HMGN3: variants seen among roughly 807,000 people sequenced by gnomAD.
HMGN3 encodes high mobility group nucleosome-binding domain-containing protein 3.
Under a neutral mutation model 18.8 loss-of-function variants are expected in HMGN3, and 6 were observed. That is an observed-to-expected ratio of 0.32 (90% CI 0.18 to 0.63). The LOEUF (loss-of-function observed/expected upper bound fraction) is 0.63. HMGN3 is among the 30% of genes least tolerant of loss of function. HMGN3 has a pLI of 0.79. For synonymous variants in HMGN3, 40 were observed against 36.5 expected (o/e 1.10, Z -0.35); for missense variants, 107 against 114.2 (o/e 0.94, Z 0.29).
chr6:79,227,375 A>C (rs1381976191), intron 1 of HMGN3, among the ~76,000 whole-genome samples: 7 of 152,214 alleles, frequency 4.6e-5, no homozygotes, highest in Non-Finnish European at 8.8e-5. Flanking sequence ...CTATAATTGC[A>C]GTGAATTTGA....
At position 79,231,816 on chromosome 6, in the gene HMGN3, A is replaced by C. The variant is rs147544511; in HGVS notation, c.15+2730T>G. Among the ~76,000 whole-genome samples the C allele has an allele frequency of 3.9e-5, 6 of 152,322 alleles. No individual in the cohort carries two copies. In the East Asian group the frequency reaches 1.2e-3, roughly 29 times the overall value. Reference sequence around the variant, plus strand: ...TACTGCTTGTGGGATCTATAACTACACATTCTGGAACACATACACAGTTTT... The same window carrying C: ...TACTGCTTGTGGGATCTATAACTACCCATTCTGGAACACATACACAGTTTT... On this transcript the variant is annotated intron_variant, in intron 1 of 5. Coordinates refer to ENST00000344726, the Ensembl canonical transcript of HMGN3.
At chr6:79,208,418 C>T (rs1776522222) in intron 3 of HMGN3, 129 bp downstream of exon 3, 1 of 802,832 alleles carries the variant, frequency 1.2e-6, no homozygotes, top group Admixed American at 2.0e-5. Context: ...ACATGAGGAC[C>T]CTAGGTAATT....
At chr6:79,224,640 A>G (rs1475501528) in intron 1 of HMGN3, among the ~76,000 whole-genome samples, 1 of 152,108 alleles carries the variant, frequency 6.6e-6, no homozygotes, top group Non-Finnish European at 1.5e-5. Flanking sequence ...TGGTTGTTGC[A>G]TTTGATGCTT....
chr6:79,215,350 A>G (rs187826671), intron 1 of HMGN3, among the ~76,000 whole-genome samples: 13 of 152,366 alleles, frequency 8.5e-5, no homozygotes, highest in Admixed American at 7.8e-4. Context: ...GGTCAGTGGC[A>G]GGAATGCCTG....
At chr6:79,213,063 C>T (rs1316384403) in intron 2 of HMGN3, among the ~76,000 whole-genome samples, 3 of 150,794 alleles carry the variant, frequency 2.0e-5, no homozygotes, top group Admixed American at 6.6e-5. Context: ...ATAAAAATAA[C>T]AATTAAAAAT....
intron 1 of HMGN3, chr6:79,234,226 G>A (rs530797897): frequency 1.0e-5 from 3 of 287,006 alleles, no homozygotes; most frequent in Admixed American, 4.8e-5. Flanking sequence ...TTGCAAAGAG[G>A]AAACTCCCTT....
At chr6:79,207,222 C>T (rs561389746) in intron 3 of HMGN3, among the ~76,000 whole-genome samples, 18 of 152,072 alleles carry the variant, frequency 1.2e-4, no homozygotes, top group South Asian at 8.3e-4. Flanking sequence ...GAGATTTGGG[C>T]GGGGCTGGGG....
chr6:79,229,670 G>T (rs1219433719), intron 1 of HMGN3, among the ~76,000 whole-genome samples: 1 of 152,188 alleles, frequency 6.6e-6, no homozygotes, highest in East Asian at 1.9e-4. Flanking sequence ...GAGGTCAGGA[G>T]ATCAAGACCA....
chr6:79,214,490 T>C (rs558500196), intron 2 of HMGN3, among the ~76,000 whole-genome samples: 233 of 152,270 alleles, frequency 1.5e-3, no homozygotes, highest in Middle Eastern at 3.4e-3. Context: ...CGTGAGCCAC[T>C]GCGCCCGGCC....
intron 1 of HMGN3, among the ~76,000 whole-genome samples, chr6:79,231,467 C>T (rs941152533): frequency 6.6e-6 from 1 of 152,180 alleles, no homozygotes; most frequent in East Asian, 1.9e-4. Flanking sequence ...AGATAATATG[C>T]ACTGAAGAAC....
chr6:79,221,591 C>T (rs995783195), intron 1 of HMGN3, among the ~76,000 whole-genome samples: 2 of 152,188 alleles, frequency 1.3e-5, no homozygotes, highest in Non-Finnish European at 2.9e-5. Flanking sequence ...TAAACAGGCA[C>T]TGTGGGGTGA....
chr6:79,225,233 A>C (rs1379343470), intron 1 of HMGN3, among the ~76,000 whole-genome samples: 1 of 152,238 alleles, frequency 6.6e-6, no homozygotes, highest in Non-Finnish European at 1.5e-5. Context: ...AGAGACAAAG[A>C]GTGAGCAAAA....
At position 79,207,318 on chromosome 6, in the gene HMGN3, C is replaced by T. The variant is rs549131258; in HGVS notation, c.96+1229G>A. Among the ~76,000 whole-genome samples the T allele has an allele frequency of 2.0e-5, 3 of 152,204 alleles. No homozygotes were observed. The East Asian group carries it at 5.8e-4, about 29-fold the overall frequency. ...CAGTTCCCATGTGTCATGGGAGGAACCTGGTGGGATGTGATTGAATTATGG... is the reference window on the plus strand; with the variant it reads ...CAGTTCCCATGTGTCATGGGAGGAATCTGGTGGGATGTGATTGAATTATGG... On this transcript the variant is annotated intron_variant, in intron 3 of 5. Coordinates refer to ENST00000344726, the Ensembl canonical transcript of HMGN3.
rs146747216 is a variant in HMGN3 at position 79,234,027 on chromosome 6, G to C, written c.15+519C>G. The stretch of plus-strand genomic sequence containing the variant: ...GCAGCGGAGGCGAGCAGGAGGGTGA[G>C]CGCTATTTTAAACATGGCTTTCTCT... On this transcript the variant is annotated intron_variant, in intron 1 of 5. Transcript: ENST00000344726. 247 of 153,636 alleles carry C rather than the reference G, an allele frequency of 1.6e-3. 1 individual carries two copies. The highest frequency in any genetic ancestry group is 5.5e-3 in the African/African-American group (227 of 41,618). The allele number at this position is 153,636 out of a possible 1,614,324, so 9.5% of individuals were successfully genotyped here.
exon 5 of HMGN3, chr6:79,202,369 A>T: frequency 6.2e-7 from 1 of 1,613,978 alleles, no homozygotes; most frequent in Non-Finnish European, 8.5e-7. Flanking sequence ...CACCTCTGCT[A>T]ATCTTTGCTC....
intron 1 of HMGN3, 174 bp downstream of exon 1, chr6:79,234,371 AG>A: frequency 2.0e-6 from 1 of 499,780 alleles, no homozygotes; most frequent in Non-Finnish European, 3.6e-6. Flanking sequence ...CGGAGTGGGT[AG>A]GGGGGACAGA....
intron 1 of HMGN3, among the ~76,000 whole-genome samples, chr6:79,220,410 C>CAGAGTAAT (rs1408846283): frequency 6.6e-6 from 1 of 152,120 alleles, no homozygotes; most frequent in Non-Finnish European, 1.5e-5. Flanking sequence ...AGGGAAGAAA[C>CAGAGTAAT]AGAGTAATAC....
chr6:79,213,636 C>T (rs535209814), intron 2 of HMGN3, among the ~76,000 whole-genome samples: 29 of 152,126 alleles, frequency 1.9e-4, no homozygotes, highest in Non-Finnish European at 3.5e-4. Context: ...ATGATTATTC[C>T]AAACTCTGTC....
rs1191642588 is a variant in HMGN3 at position 79,222,761 on chromosome 6, T to C, written c.16-7739A>G. Among the ~76,000 whole-genome samples, 4 of 152,338 alleles carry C rather than the reference T, an allele frequency of 2.6e-5. No homozygotes were observed. In the East Asian group the frequency reaches 7.7e-4, roughly 29 times the overall value. ...TAAATTTATTTTCCATATCCTCCCC[T>C]GCTTGGCTTATCAATTCCAACAGGT... is the stretch of plus-strand genomic sequence containing the variant. On this transcript the variant is annotated intron_variant, in intron 1 of 5. Transcript: ENST00000344726.
Sources: allele counts gnomAD v4.1 joint callset (sites outside exome capture counted in the v4.1 genomes callset), GRCh38; gene constraint gnomAD v4.1.1; transcripts MANE v1.5; gene names NCBI Gene and HGNC (gene_info 2026-07-23, HGNC 2026-07-21).